The following DLC1 variants were observed in gnomAD, a reference collection of about 807,000 sequenced individuals.
DLC1 encodes the protein DLC1 Rho GTPase activating protein.
A neutral mutation model predicts 140.3 loss-of-function variants in DLC1; 54 were observed. The ratio of observed to expected loss-of-function variants is 0.38; its 90% CI spans 0.31 to 0.48. DLC1 has a LOEUF of 0.48. Among genes scored for constraint, DLC1 ranks in the 20% least tolerant of loss-of-function variants. The probability of loss-of-function intolerance (pLI) is 0.96; values close to 1 mark genes in which losing one functional copy is unlikely to be tolerated. For synonymous variants in DLC1, 986 were observed against 728.1 expected (o/e 1.35, Z -5.70); for missense variants, 2,536 against 1,907.0 (o/e 1.33, Z -6.14).
intron 2 of DLC1, among the ~76,000 whole-genome samples, chr8:13,404,901 G>C (rs1029975378): frequency 6.6e-6 from 1 of 152,032 alleles, no homozygotes; most frequent in African/African-American, 2.4e-5. Flanking sequence ...AGCTACTTGG[G>C]AGTCCTGAGG....
chr8:13,327,663 A>G (rs1319653625), intron 4 of DLC1, among the ~76,000 whole-genome samples: 1 of 151,944 alleles, frequency 6.6e-6, no homozygotes, highest in African/African-American at 2.4e-5. Flanking sequence ...GTATCCATCC[A>G]TCCACTTGAC....
chr8:13,568,263 A>G (rs576698918), intron 1 of DLC1: 69 of 240,642 alleles, frequency 2.9e-4, no homozygotes, highest in African/African-American at 1.6e-3. Flanking sequence ...TGGGGAATTA[A>G]TAAATAGTAG....
At chr8:13,490,388 A>G (rs1801178879) in intron 2 of DLC1, among the ~76,000 whole-genome samples, 2 of 152,214 alleles carry the variant, frequency 1.3e-5, no homozygotes, top group East Asian at 1.9e-4. Context: ...AAATAGCACT[A>G]TAATTTTCTT....
At chr8:13,195,433 T>C (rs1826991190) in intron 5 of DLC1, among the ~76,000 whole-genome samples, 1 of 152,142 alleles carries the variant, frequency 6.6e-6, no homozygotes, top group Admixed American at 6.5e-5. Context: ...CTGCCAATGG[T>C]GAATGATCAA....
chr8:13,489,770 C>T (rs1801154626), intron 2 of DLC1, among the ~76,000 whole-genome samples: 1 of 152,048 alleles, frequency 6.6e-6, no homozygotes. Flanking sequence ...CAGAAATTTC[C>T]CACTGAAGAA....
chr8:13,419,241 C>G (rs1187797555), intron 2 of DLC1, among the ~76,000 whole-genome samples: 1 of 151,924 alleles, frequency 6.6e-6, no homozygotes, highest in Non-Finnish European at 1.5e-5. Context: ...GCCAGAACTT[C>G]TAACACTATG....
intron 5 of DLC1, among the ~76,000 whole-genome samples, chr8:13,274,167 G>C (rs777012953): frequency 2.6e-5 from 4 of 152,170 alleles, no homozygotes; most frequent in Non-Finnish European, 5.9e-5. Flanking sequence ...GAGTGGAAGG[G>C]TTGAGTGCAG....
At chr8:13,573,584 G>A (rs990307715) in intron 1 of DLC1, among the ~76,000 whole-genome samples, 1 of 152,134 alleles carries the variant, frequency 6.6e-6, no homozygotes, top group African/African-American at 2.4e-5. Flanking sequence ...TTTTACTTAT[G>A]GGTTTTCATA....
chr8:13,576,933 T>C (rs1025466256), intron 1 of DLC1, among the ~76,000 whole-genome samples: 9 of 151,932 alleles, frequency 5.9e-5, no homozygotes, highest in African/African-American at 2.2e-4. Flanking sequence ...ATATTAGTAA[T>C]ATCTCTGACT....
chr8:13,146,953 C>G lies in DLC1; in HGVS notation c.1349-31296G>C, dbSNP rs907759594. Among the ~76,000 whole-genome samples the G allele has an allele frequency of 6.6e-5, 10 of 152,124 alleles. 1 individual carries two copies. Among genetic ancestry groups the G allele is most frequent in the Admixed American group, 4.6e-4 (7 of 15,280 alleles). On this transcript the variant is annotated intron_variant, in intron 5 of 17. Transcript: ENST00000276297. ...GACTAATGTAGTATAAATTTTAAATCTCTCTGGGATGATCAATCTAAATTT... is the reference window on the plus strand; with the variant it reads ...GACTAATGTAGTATAAATTTTAAATGTCTCTGGGATGATCAATCTAAATTT...
chr8:13,584,331 G>C (rs548390816), intron 1 of DLC1: 1 of 154,414 alleles, frequency 6.5e-6, no homozygotes, highest in East Asian at 1.9e-4. Context: ...CTGCCTGTGG[G>C]CCTGGACAGG....
At chr8:13,312,996 G>A (rs1010087914) in intron 4 of DLC1, among the ~76,000 whole-genome samples, 1 of 152,038 alleles carries the variant, frequency 6.6e-6, no homozygotes, top group African/African-American at 2.4e-5. Context: ...TCTCCCCTTC[G>A]ATGTTACACT....
chr8:13,575,340 G>A (rs1446701209), intron 1 of DLC1, among the ~76,000 whole-genome samples: 5 of 152,090 alleles, frequency 3.3e-5, no homozygotes, highest in Admixed American at 3.3e-4. Flanking sequence ...CGTAATGAGG[G>A]TTAGGAGGGG....
At chr8:13,462,658 G>A (rs1444448001) in intron 2 of DLC1, among the ~76,000 whole-genome samples, 1 of 151,930 alleles carries the variant, frequency 6.6e-6, no homozygotes, top group African/African-American at 2.4e-5. Flanking sequence ...TGCCTGCCTC[G>A]GTCTCCCAAA....
chr8:13,587,175 A>G (rs1245083594), intron 1 of DLC1, among the ~76,000 whole-genome samples: 5 of 151,864 alleles, frequency 3.3e-5, no homozygotes, highest in African/African-American at 1.2e-4. Context: ...ACAGATGCAC[A>G]TTTTATTAGA....
chr8:13,223,729 G>A (rs1308181873), intron 5 of DLC1, among the ~76,000 whole-genome samples: 1 of 152,086 alleles, frequency 6.6e-6, no homozygotes. Context: ...GGTCTGTTAG[G>A]AATACATATA....
At chr8:13,110,711 A>C in intron 7 of DLC1, 31 bp downstream of exon 7, 4 of 1,594,216 alleles carry the variant, frequency 2.5e-6, no homozygotes, top group Non-Finnish European at 3.4e-6. Flanking sequence ...AAAAAATAAA[A>C]AAGGAAAACA....
chr8:13,301,918 A>G (rs1832211297), intron 5 of DLC1, among the ~76,000 whole-genome samples: 1 of 152,012 alleles, frequency 6.6e-6, no homozygotes, highest in Admixed American at 6.6e-5. Context: ...CCCCTACCCA[A>G]CTCCGTGGAA....
At position 13,092,644 on chromosome 8, in the gene DLC1, G is replaced by A. The variant is rs2128930482; in HGVS notation, c.3708C>T (p.Leu1236=). The A allele has an allele frequency of 6.2e-7, 1 of 1,614,188 alleles. No homozygotes were observed. Among genetic ancestry groups the A allele is most frequent in the Non-Finnish European group, 8.5e-7 (1 of 1,180,040 alleles). Residue 1236 remains leucine (L), a synonymous_variant, in exon 13 of 18, where the codon CTC becomes CTT. Coordinates refer to ENST00000276297, the MANE Select transcript of DLC1 (RefSeq NM_182643.3). The part of the protein sequence containing the change: ...AVCLAPSLFH[L]NTLKRENSSP... ...AGGAATTCTCTCTCTTCAGGGTGTTGAGATGGAAGAGGGAAGGCGCTAAGC... is the reference window on the plus strand; with the variant it reads ...AGGAATTCTCTCTCTTCAGGGTGTTAAGATGGAAGAGGGAAGGCGCTAAGC...
Sources: allele counts gnomAD v4.1 joint callset (sites outside exome capture counted in the v4.1 genomes callset), GRCh38; gene constraint gnomAD v4.1.1; transcripts MANE v1.5; gene names NCBI Gene and HGNC (gene_info 2026-07-23, HGNC 2026-07-21).